The following MYO16 variants were observed in gnomAD, a reference collection of about 807,000 sequenced individuals.
MYO16 encodes unconventional myosin-XVI.
MYO16 carries 94 observed loss-of-function variants against 205.3 expected under a neutral mutation model. The observed-to-expected ratio is 0.46, with a 90% CI of 0.39 to 0.54. The LOEUF (loss-of-function observed/expected upper bound fraction) is 0.54. MYO16 is among the 20% of genes least tolerant of loss of function. MYO16 has a pLI of 0.00. For missense variants in MYO16, 2,315 were observed against 2,387.5 expected, an observed-to-expected ratio of 0.97 and a Z score of 0.63; for synonymous variants, 988 against 954.0, an observed-to-expected ratio of 1.04 and a Z score of -0.66.
chr13:108,823,618 C>T (rs941136304), intron 9 of MYO16, among the ~76,000 whole-genome samples: 7 of 152,020 alleles, frequency 4.6e-5, no homozygotes, highest in African/African-American at 9.7e-5. Flanking sequence ...ATAGAAAATA[C>T]TGATATATGT....
chr13:108,504,229 C>T, the MYO16 span, among the ~76,000 whole-genome samples: 2 of 152,092 alleles, frequency 1.3e-5, no homozygotes, highest in Non-Finnish European at 2.9e-5. Flanking sequence ...TTAAGTGATT[C>T]TCCTGCCTCA....
intron 20 of MYO16, among the ~76,000 whole-genome samples, chr13:108,967,920 T>C (rs1225472223): frequency 6.6e-6 from 1 of 152,230 alleles, no homozygotes; most frequent in African/African-American, 2.4e-5. Context: ...GAGAAACTCA[T>C]GTAAAAACCA....
At chr13:108,728,309 C>T (rs1050818780) in intron 4 of MYO16, among the ~76,000 whole-genome samples, 3 of 152,064 alleles carry the variant, frequency 2.0e-5, no homozygotes, top group Non-Finnish European at 4.4e-5. Flanking sequence ...AACTGATGCT[C>T]GAATATATTA....
At chr13:108,570,997 C>T in the MYO16 span, among the ~76,000 whole-genome samples, 1 of 152,004 alleles carries the variant, frequency 6.6e-6, no homozygotes, top group African/African-American at 2.4e-5. Context: ...TAAAGTAAGA[C>T]TCACAGGTTA....
intron 1 of MYO16, 71 bp from the exon 2 acceptor site, chr13:108,665,815 G>C (rs1881696234): frequency 1.4e-6 from 2 of 1,449,570 alleles, no homozygotes; most frequent in South Asian, 1.3e-5. Context: ...ATAAAATCAA[G>C]TGTGCTGTGG....
intron 9 of MYO16, 109 bp from the exon 10 acceptor site, chr13:108,844,234 C>T: frequency 1.3e-6 from 1 of 794,740 alleles, no homozygotes; most frequent in Non-Finnish European, 1.8e-6. Context: ...AGAAATATTT[C>T]TTATCTGAAT....
chr13:108,502,734 T>G, the MYO16 span, among the ~76,000 whole-genome samples: 40 of 152,306 alleles, frequency 2.6e-4, 1 homozygote, highest in East Asian at 6.8e-3. Flanking sequence ...CTAATTTAGA[T>G]TATTGGTTAT....
chr13:108,835,252 A>C (rs1876846412), intron 9 of MYO16, among the ~76,000 whole-genome samples: 1 of 152,196 alleles, frequency 6.6e-6, no homozygotes, highest in Admixed American at 6.5e-5. Flanking sequence ...TTCCCTTGAT[A>C]GTGAACGAGT....
intron 3 of MYO16, among the ~76,000 whole-genome samples, chr13:108,718,820 T>C (rs1884049541): frequency 6.6e-6 from 1 of 152,064 alleles, no homozygotes; most frequent in Non-Finnish European, 1.5e-5. Flanking sequence ...GAATTTTAGA[T>C]CATTAGTGAG....
intron 21 of MYO16, among the ~76,000 whole-genome samples, chr13:109,001,620 T>C (rs1885216207): frequency 6.6e-6 from 1 of 152,140 alleles, no homozygotes; most frequent in African/African-American, 2.4e-5. Context: ...ACCAACCTCC[T>C]GTACCTGCCG....
rs367888266 is a variant in MYO16 at position 108,919,260 on chromosome 13, C to T, written c.1925+9110C>T. On this transcript the variant is annotated intron_variant, in intron 16 of 34. Transcript: ENST00000457511. ...GTCCCATGGCCCTGGCTGGGCCCTTCCTGCCCCACCTTCCCTCACTGCACA... is the reference window on the plus strand; with the variant it reads ...GTCCCATGGCCCTGGCTGGGCCCTTTCTGCCCCACCTTCCCTCACTGCACA... Among the ~76,000 whole-genome samples the T allele has an allele frequency of 8.5e-5, 13 of 152,376 alleles. No individual in the cohort carries two copies. The East Asian group carries it at 2.5e-3, about 29-fold the overall frequency.
At chr13:108,803,784 C>A (rs1450221836) in intron 6 of MYO16, among the ~76,000 whole-genome samples, 2 of 152,104 alleles carry the variant, frequency 1.3e-5, no homozygotes, top group African/African-American at 4.8e-5. Context: ...ATTTACCAAA[C>A]AAGACTGCCT....
chr13:108,522,708 C>T, the MYO16 span, among the ~76,000 whole-genome samples: 10 of 152,072 alleles, frequency 6.6e-5, no homozygotes, highest in South Asian at 1.0e-3. Flanking sequence ...TGGTGTTCCT[C>T]GGCTTGTAGA....
At chr13:108,894,212 A>G (rs539274637) in intron 14 of MYO16, among the ~76,000 whole-genome samples, 3 of 152,218 alleles carry the variant, frequency 2.0e-5, no homozygotes, top group East Asian at 3.9e-4. Flanking sequence ...CCATGACTCA[A>G]TCACCCCCCA....
chr13:108,973,223 T>G (rs938673928), intron 20 of MYO16, among the ~76,000 whole-genome samples: 4 of 152,164 alleles, frequency 2.6e-5, no homozygotes, highest in Admixed American at 6.6e-5. Flanking sequence ...AATATATCAC[T>G]TGTGAAATTT....
chr13:109,002,995 G>A (rs1462136966), intron 21 of MYO16, among the ~76,000 whole-genome samples: 2 of 152,152 alleles, frequency 1.3e-5, no homozygotes, highest in Non-Finnish European at 2.9e-5. Context: ...TCATGCCACA[G>A]TACGTCTATA....
At chr13:108,700,154 G>A (rs1813044) in intron 2 of MYO16, among the ~76,000 whole-genome samples, 106,822 of 151,664 alleles carry the variant, frequency 0.7, 37,746 homozygotes, top group East Asian at 0.86. Flanking sequence ...CCAACAGGGT[G>A]AAACCCTTTC....
intron 2 of MYO16, among the ~76,000 whole-genome samples, chr13:108,681,105 T>G (rs1429902066): frequency 1.3e-5 from 2 of 152,248 alleles, no homozygotes; most frequent in Non-Finnish European, 2.9e-5. Flanking sequence ...ACCATTTATG[T>G]CTAACGTGAA....
chr13:109,185,023 C>A (rs1055242724), intron 34 of MYO16, among the ~76,000 whole-genome samples: 1 of 152,070 alleles, frequency 6.6e-6, no homozygotes, highest in South Asian at 2.1e-4. Context: ...GATTTGCCCC[C>A]CTCCCTCCCA....
Sources: allele counts gnomAD v4.1 joint callset (sites outside exome capture counted in the v4.1 genomes callset), GRCh38; gene constraint gnomAD v4.1.1; transcripts MANE v1.5; gene names NCBI Gene and HGNC (gene_info 2026-07-23, HGNC 2026-07-21).